Variants in IMMP2L observed in about 807,000 individuals in gnomAD.
The protein encoded by IMMP2L is inner mitochondrial membrane peptidase subunit 2.
IMMP2L carries 18 observed loss-of-function variants against 19.3 expected under a neutral mutation model. That is an observed-to-expected ratio of 0.93 (90% CI 0.64 to 1.38). The LOEUF (loss-of-function observed/expected upper bound fraction) is 1.38, where lower values mean the gene tolerates loss of function less well. Ranked by LOEUF, IMMP2L falls within the 40% of genes most tolerant of loss-of-function variation. IMMP2L has a pLI of 0.00. For missense variants in IMMP2L, 233 were observed against 218.2 expected, an observed-to-expected ratio of 1.07 and a Z score of -0.43; for synonymous variants, 76 against 73.0, an observed-to-expected ratio of 1.04 and a Z score of -0.21.
intron 3 of IMMP2L, among the ~76,000 whole-genome samples, chr7:111,255,303 C>A (rs1436024876): frequency 6.6e-6 from 1 of 152,066 alleles, no homozygotes; most frequent in African/African-American, 2.4e-5. Context: ...TTCTCAAATA[C>A]ATCACAAGCA....
chr7:111,380,503 T>A (rs1831095141), intron 3 of IMMP2L, among the ~76,000 whole-genome samples: 2 of 152,046 alleles, frequency 1.3e-5, no homozygotes, highest in Admixed American at 1.3e-4. Flanking sequence ...TTTTAGTCCC[T>A]TGAAATTTAA....
rs59781578 is a variant in IMMP2L, at chr7:110,962,848, C to T, written c.305+652G>A. 2,961 of 1,250,480 alleles carry T rather than the reference C, an allele frequency of 2.4e-3. 73 individuals are homozygous for T. In the African/African-American group the frequency reaches 0.042, roughly 18 times the overall value. 77.5% of individuals were successfully genotyped at this position (1,250,480 alleles called of 1,614,324 possible). On this transcript the variant is annotated intron_variant, in intron 4 of 5. Coordinates refer to ENST00000405709, the MANE Select transcript of IMMP2L (RefSeq NM_032549.4). The stretch of plus-strand genomic sequence containing the variant: ...AGTAGTCAAAGCATTTTGGCTACCA[C>T]ATTGTATAGGCCTGGCTACAACTTG...
At chr7:110,892,788 T>A (rs754159942) in intron 4 of IMMP2L, among the ~76,000 whole-genome samples, 3 of 152,148 alleles carry the variant, frequency 2.0e-5, no homozygotes, top group Admixed American at 6.6e-5. Flanking sequence ...TTACATGAAA[T>A]AGAATTCGGC....
At chr7:110,690,555 T>A (rs541772943) in intron 5 of IMMP2L, among the ~76,000 whole-genome samples, 3 of 151,996 alleles carry the variant, frequency 2.0e-5, no homozygotes, top group Admixed American at 2.0e-4. Flanking sequence ...ACCTAGAAAA[T>A]CCTAAAGACT....
At chr7:110,814,444 A>G (rs1008333584) in intron 5 of IMMP2L, among the ~76,000 whole-genome samples, 8 of 151,064 alleles carry the variant, frequency 5.3e-5, no homozygotes, top group Non-Finnish European at 1.0e-4. Context: ...AAAAAAAACT[A>G]TATAGTAAAA....
intron 4 of IMMP2L, among the ~76,000 whole-genome samples, chr7:110,920,219 C>G (rs1814109331): frequency 6.6e-6 from 1 of 152,152 alleles, no homozygotes; most frequent in Non-Finnish European, 1.5e-5. Context: ...TCACGTGAGT[C>G]AATACTCCTT....
intron 3 of IMMP2L, chr7:111,124,671 T>C (rs1801079255): frequency 6.2e-7 from 1 of 1,613,796 alleles, no homozygotes; most frequent in Non-Finnish European, 8.5e-7. Context: ...TGGCCTGTCT[T>C]GGAGGCCTTC....
chr7:111,203,792 C>A (rs1810417199), intron 3 of IMMP2L, among the ~76,000 whole-genome samples: 1 of 151,298 alleles, frequency 6.6e-6, no homozygotes. Flanking sequence ...TAATAAAGAG[C>A]AAAGCAATGT....
chr7:110,904,088 T>C (rs1235497600), intron 4 of IMMP2L, among the ~76,000 whole-genome samples: 1 of 152,160 alleles, frequency 6.6e-6, no homozygotes, highest in Non-Finnish European at 1.5e-5. Flanking sequence ...TTTGTTTTAC[T>C]ATAGAGTTGT....
chr7:111,380,055 CATTA>C (rs1026284421), intron 3 of IMMP2L, among the ~76,000 whole-genome samples: 2 of 151,830 alleles, frequency 1.3e-5, no homozygotes, highest in African/African-American at 4.8e-5. Context: ...TATTCTGCAA[CATTA>C]ATTAACTTAA....
intron 3 of IMMP2L, among the ~76,000 whole-genome samples, chr7:110,994,706 G>T (rs1205496527): frequency 6.6e-6 from 1 of 152,090 alleles, no homozygotes; most frequent in African/African-American, 2.4e-5. Flanking sequence ...CCTTGTCTAA[G>T]CCTTTGTTAT....
chr7:111,002,911 G>C (rs1174347162), intron 3 of IMMP2L, among the ~76,000 whole-genome samples: 1 of 152,120 alleles, frequency 6.6e-6, no homozygotes. Context: ...GAAAACCTTG[G>C]GGAATGTGGG....
intron 3 of IMMP2L, among the ~76,000 whole-genome samples, chr7:111,297,509 A>T (rs2129875683): frequency 6.6e-6 from 1 of 152,296 alleles, no homozygotes; most frequent in African/African-American, 2.4e-5. Context: ...TGGCAGTTTT[A>T]GAAATAAAGT....
Position 111,304,670 on chromosome 7 carries a change from ATGTGTG to A in IMMP2L, c.239+182562_239+182567del, listed in dbSNP as rs147788856. ...GGGTGTTTATACATACACATATATA[ATGTGTG>A]TGTGTGTGTGTGTGTGTGTGTGTGT... On this transcript the variant is annotated intron_variant, in intron 3 of 5. Coordinates refer to ENST00000405709, the MANE Select transcript of IMMP2L (RefSeq NM_032549.4). Among the ~76,000 whole-genome samples, 1,155 of 126,046 alleles carry A rather than the reference ATGTGTG, an allele frequency of 9.2e-3. 15 individuals are homozygous for A. Among genetic ancestry groups the A allele is most frequent in the African/African-American group, 0.028 (966 of 34,182 alleles). The allele number at this position is 126,046 out of a possible 152,430, so 82.7% of individuals were successfully genotyped here.
At chr7:111,010,792 A>C (rs1824861495) in intron 3 of IMMP2L, among the ~76,000 whole-genome samples, 1 of 152,106 alleles carries the variant, frequency 6.6e-6, no homozygotes, top group South Asian at 2.1e-4. Flanking sequence ...AGCATAAAGG[A>C]AGCACAGAGT....
intron 1 of IMMP2L, among the ~76,000 whole-genome samples, chr7:111,542,495 A>C (rs1341457801): frequency 6.6e-6 from 1 of 152,164 alleles, no homozygotes; most frequent in East Asian, 1.9e-4. Context: ...AAGAAACAGT[A>C]AGTAGCAGAG....
At chr7:111,358,086 T>A (rs1164876766) in intron 3 of IMMP2L, among the ~76,000 whole-genome samples, 2 of 151,306 alleles carry the variant, frequency 1.3e-5, no homozygotes, top group African/African-American at 4.9e-5. Context: ...TCAGAGTACA[T>A]AATCATTTGG....
chr7:111,385,530 C>T (rs1332846530), intron 3 of IMMP2L, among the ~76,000 whole-genome samples: 1 of 152,134 alleles, frequency 6.6e-6, no homozygotes, highest in African/African-American at 2.4e-5. Context: ...TTTTCATTGA[C>T]AGGACTAGCA....
intron 4 of IMMP2L, among the ~76,000 whole-genome samples, chr7:110,959,829 C>T (rs1047887723): frequency 2.0e-5 from 3 of 151,928 alleles, no homozygotes; most frequent in East Asian, 3.9e-4. Flanking sequence ...CATCATCCAA[C>T]TCCTGTTCCC....
Sources: allele counts gnomAD v4.1 joint callset (sites outside exome capture counted in the v4.1 genomes callset), GRCh38; gene constraint gnomAD v4.1.1; transcripts MANE v1.5; gene names NCBI Gene and HGNC (gene_info 2026-07-23, HGNC 2026-07-21).